TMEM132B: variants seen among roughly 807,000 people sequenced by gnomAD.
TMEM132B encodes transmembrane protein 132B.
TMEM132B carries 18 observed loss-of-function variants against 90.8 expected under a neutral mutation model. The ratio of observed to expected loss-of-function variants is 0.20; its 90% CI spans 0.14 to 0.29. TMEM132B has a LOEUF of 0.29. Among genes scored for constraint, TMEM132B ranks in the 10% least tolerant of loss-of-function variants. The pLI, the probability that TMEM132B is intolerant of heterozygous loss-of-function variation, is 1.00. For synonymous variants in TMEM132B, 504 were observed against 523.3 expected, an observed-to-expected ratio of 0.96 and a Z score of 0.50; for missense variants, 1,096 against 1,326.8, an observed-to-expected ratio of 0.83 and a Z score of 2.70.
chr12:125,262,609 T>C (rs528842862), intron 1 of TMEM132B, among the ~76,000 whole-genome samples: 2 of 152,184 alleles, frequency 1.3e-5, no homozygotes, highest in African/African-American at 4.8e-5. Context: ...AGGCTGTCAG[T>C]TACCATTTAT....
At chr12:125,319,085 GT>G (rs1464532832) in intron 1 of TMEM132B, among the ~76,000 whole-genome samples, 1 of 152,182 alleles carries the variant, frequency 6.6e-6, no homozygotes, top group Non-Finnish European at 1.5e-5. Flanking sequence ...TCAGGTCCTG[GT>G]TTTGTCCTGG....
intron 3 of TMEM132B, among the ~76,000 whole-genome samples, chr12:125,512,816 T>G (rs892587636): frequency 1.3e-5 from 2 of 152,104 alleles, no homozygotes; most frequent in African/African-American, 4.8e-5. Context: ...TTGTTTATGC[T>G]CCATTCTGAG....
At chr12:125,461,763 A>G (rs1456205397) in intron 3 of TMEM132B, among the ~76,000 whole-genome samples, 1 of 152,160 alleles carries the variant, frequency 6.6e-6, no homozygotes, top group Non-Finnish European at 1.5e-5. Flanking sequence ...ATCTCATCCC[A>G]GTCCTTACGT....
intron 1 of TMEM132B, among the ~76,000 whole-genome samples, chr12:125,322,296 T>C (rs750592163): frequency 6.6e-5 from 10 of 152,232 alleles, no homozygotes; most frequent in African/African-American, 1.4e-4. Context: ...TGTGCCTTTG[T>C]TCCTCCTTCA....
intron 2 of TMEM132B, among the ~76,000 whole-genome samples, chr12:125,373,427 G>A (rs957283126): frequency 2.0e-5 from 3 of 152,302 alleles, no homozygotes; most frequent in Non-Finnish European, 4.4e-5. Context: ...TCTGAGAAAA[G>A]GGAGATCCAT....
chr12:125,335,614 G>A (rs977273875), intron 1 of TMEM132B, among the ~76,000 whole-genome samples: 12 of 152,346 alleles, frequency 7.9e-5, no homozygotes, highest in Admixed American at 6.5e-4. Flanking sequence ...TGATCTCACC[G>A]TGACATGGAG....
chr12:125,651,644 C>A (rs1886927623), intron 7 of TMEM132B, among the ~76,000 whole-genome samples: 1 of 152,156 alleles, frequency 6.6e-6, no homozygotes, highest in South Asian at 2.1e-4. Context: ...TTAAAAAACA[C>A]CCGTTAGTCA....
intron 3 of TMEM132B, among the ~76,000 whole-genome samples, chr12:125,500,992 T>C (rs112994744): frequency 0.031 from 4,727 of 152,208 alleles, 145 homozygotes; most frequent in African/African-American, 0.079. Context: ...AGAAGACAGG[T>C]GAAGACAGTT....
At chr12:125,222,294 C>G (rs959906137) in intron 1 of TMEM132B, among the ~76,000 whole-genome samples, 11 of 151,978 alleles carry the variant, frequency 7.2e-5, no homozygotes, top group African/African-American at 2.7e-4. Context: ...AGGCAGCAAA[C>G]AGAAATAAAT....
At chr12:125,420,093 G>A (rs1880127624) in intron 3 of TMEM132B, among the ~76,000 whole-genome samples, 1 of 152,254 alleles carries the variant, frequency 6.6e-6, no homozygotes, top group Non-Finnish European at 1.5e-5. Flanking sequence ...AGTGTCTGCA[G>A]CTTTTCCAGG....
intron 4 of TMEM132B, among the ~76,000 whole-genome samples, chr12:125,579,513 G>A (rs1288402679): frequency 1.3e-5 from 2 of 151,440 alleles, no homozygotes; most frequent in Admixed American, 6.6e-5. Context: ...AGGTGTGGTG[G>A]CACCACACCT....
chr12:125,632,765 T>G (rs1721061444), intron 5 of TMEM132B, among the ~76,000 whole-genome samples: 1 of 152,120 alleles, frequency 6.6e-6, no homozygotes, highest in Admixed American at 6.5e-5. Flanking sequence ...TGTTGCTAGA[T>G]GTATTGAGGC....
chr12:125,248,288 G>GA (rs979255334), intron 1 of TMEM132B, among the ~76,000 whole-genome samples: 1 of 152,090 alleles, frequency 6.6e-6, no homozygotes, highest in African/African-American at 2.4e-5. Flanking sequence ...AGAAACACCG[G>GA]AAAAAGCATC....
At chr12:125,360,903 T>A (rs1877937372) in intron 2 of TMEM132B, among the ~76,000 whole-genome samples, 1 of 152,078 alleles carries the variant, frequency 6.6e-6, no homozygotes, top group Non-Finnish European at 1.5e-5. Context: ...CCCTCCTTAC[T>A]GTCTATGTGA....
chr12:125,546,856 C>T (rs1884105436), intron 4 of TMEM132B, among the ~76,000 whole-genome samples: 1 of 152,180 alleles, frequency 6.6e-6, no homozygotes, highest in Admixed American at 6.5e-5. Context: ...ATACCCAAGA[C>T]TGGGTAATTT....
chr12:125,249,780 C>T (rs900180522), intron 1 of TMEM132B, among the ~76,000 whole-genome samples: 1 of 152,166 alleles, frequency 6.6e-6, no homozygotes, highest in South Asian at 2.1e-4. Flanking sequence ...TTTCAGAGCT[C>T]GTGGTCTGAC....
At chr12:125,390,505 G>A (rs1243051185) in intron 2 of TMEM132B, among the ~76,000 whole-genome samples, 1 of 152,208 alleles carries the variant, frequency 6.6e-6, no homozygotes, top group East Asian at 1.9e-4. Context: ...GTGAAGCTGA[G>A]TTCTCCACTC....
At chr12:125,337,289 A>T (rs867989898) in intron 1 of TMEM132B, among the ~76,000 whole-genome samples, 3 of 149,244 alleles carry the variant, frequency 2.0e-5, no homozygotes, top group South Asian at 2.1e-4. Flanking sequence ...TGACAAATAA[A>T]CTCCTAGGCG....
chr12:125,613,585 AGTT>A (rs1885916179), intron 5 of TMEM132B, among the ~76,000 whole-genome samples: 1 of 151,914 alleles, frequency 6.6e-6, no homozygotes, highest in Non-Finnish European at 1.5e-5. Context: ...TTTTCTTAAT[AGTT>A]GTTAAGAGGT....
Sources: gnomAD v4.1 joint callset for allele counts (sites outside exome capture counted in the v4.1 genomes callset) on GRCh38, gnomAD v4.1.1 for gene constraint, MANE v1.5 for transcripts, NCBI Gene and HGNC (gene_info 2026-07-23, HGNC 2026-07-21) for gene names.